Variants in ZNF41 observed in about 807,000 individuals in gnomAD.
The protein encoded by ZNF41 is zinc finger protein 41.
Under a neutral mutation model 9.3 loss-of-function variants are expected in ZNF41, and 6 were observed. The observed-to-expected ratio is 0.65, with a 90% CI of 0.35 to 1.28. The LOEUF (loss-of-function observed/expected upper bound fraction) is 1.28, where lower values mean the gene tolerates loss of function less well. ZNF41 is among the 50% of genes most tolerant of loss of function. The pLI is 0.03. For synonymous variants in ZNF41, 192 were observed against 207.1 expected, an observed-to-expected ratio of 0.93 and a Z score of 0.63; for missense variants, 523 against 585.8, an observed-to-expected ratio of 0.89 and a Z score of 1.11.
rs746741166 is a variant in ZNF41 at position 47,475,008 on chromosome X, G to A, written c.-279-7248C>T. ...ATCCTGGCTAACATGGTGAAATCCC[G>A]TCTCTACTAAAAATACAAAAATTTA... On this transcript the variant is annotated intron_variant, in intron 1 of 4. Transcript: ENST00000684689. 5.5e-3 allele frequency among the ~76,000 whole-genome samples: 588 copies of A among 105,947 alleles called. 9 individuals are homozygous for A. Among genetic ancestry groups the A allele is most frequent in the African/African-American group, 0.02 (570 of 29,089 alleles). 92.0% of individuals were successfully genotyped at this position (105,947 alleles called of 115,157 possible).
At chrX:47,470,676 G>A (rs1376038197) in intron 1 of ZNF41, among the ~76,000 whole-genome samples, 5 of 107,251 alleles carry the variant, frequency 4.7e-5, no homozygotes, top group African/African-American at 1.4e-4. Flanking sequence ...GCAGTGAGCC[G>A]AGATCGTGCC....
At chrX:47,468,805 A>C (rs946876379) in intron 1 of ZNF41, among the ~76,000 whole-genome samples, 1 of 111,399 alleles carries the variant, frequency 9.0e-6, no homozygotes, top group African/African-American at 3.3e-5. Context: ...TCATGGACTG[A>C]ATCGATGACC....
Position 47,446,172 on chromosome X carries a change from A to G in ZNF41, c.*1258T>C, listed in dbSNP as rs768291198. The G allele has an allele frequency of 2.7e-5, 3 of 111,998 alleles. No homozygotes were observed. In the East Asian group the frequency reaches 8.3e-4, roughly 31 times the overall value. The allele number at this position is 111,998 out of a possible 1,213,427, so 9.2% of individuals were successfully genotyped here. ...AAAAATACAATTGCATGCTAGAAAGAAAGTTCCTTTTTATGAGTATTGTAA... is the reference window on the plus strand; with the variant it reads ...AAAAATACAATTGCATGCTAGAAAGGAAGTTCCTTTTTATGAGTATTGTAA... On this transcript the variant is annotated 3_prime_UTR_variant, in exon 5 of 5. Coordinates refer to ENST00000684689, the MANE Select transcript of ZNF41 (RefSeq NM_001324144.2).
At chrX:47,474,992 AAC>A (rs1476943249) in intron 1 of ZNF41, among the ~76,000 whole-genome samples, 1 of 107,620 alleles carries the variant, frequency 9.3e-6, no homozygotes, top group Non-Finnish European at 1.9e-5. Flanking sequence ...CATCCTGGCT[AAC>A]ATGGTGAAAT....
At position 47,448,034 on chromosome X, in the gene ZNF41, T is replaced by C. The variant is rs748219805; in HGVS notation, c.1736A>G (p.Tyr579Cys). 8 of 1,211,925 alleles carry C rather than the reference T, an allele frequency of 6.6e-6. No individual in the cohort carries two copies. The South Asian group carries it at 8.8e-5, about 13-fold the overall frequency. The change falls in exon 5 of 5, where the codon TAT (tyrosine) becomes TGT (cysteine). Residue 579 changes from tyrosine (Y) to cysteine (C), a missense_variant. Transcript: ENST00000684689. ...HQKSHIGERHYECKDCGKAFI... is the reference protein window; with the variant it reads ...HQKSHIGERHCECKDCGKAFI... ...GGCTTTCCCGCAGTCCTTGCATTCA[T>C]AGTGTCTCTCTCCAATATGAGATTT...
At chrX:47,451,385 C>T (rs1454163790) in intron 4 of ZNF41, among the ~76,000 whole-genome samples, 1 of 112,368 alleles carries the variant, frequency 8.9e-6, no homozygotes, top group African/African-American at 3.2e-5. Context: ...TTCACCCTTC[C>T]TTGCCTGCTC....
rs749675014 is a variant in ZNF41 at position 47,464,352 on chromosome X, G to A, written c.72+3058C>T. On this transcript the variant is annotated intron_variant, in intron 2 of 4. Transcript: ENST00000684689. ...CACCATGGTACCTGTTCCTTATTCC[G>A]TTGTGACTCCTCCCAGCCCTCTTTA... Among the ~76,000 whole-genome samples the A allele has an allele frequency of 1.6e-4, 18 of 110,600 alleles. No individual in the cohort carries two copies. The South Asian group carries it at 2.7e-3, about 17-fold the overall frequency.
In ZNF41 at chrX:47,448,675, GA is replaced by G; in HGVS notation, c.1094del (p.Phe365SerfsTer10). The G allele has an allele frequency of 2.5e-6, 3 of 1,211,523 alleles. No homozygotes were observed. Among genetic ancestry groups the G allele is most frequent in the Non-Finnish European group, 2.2e-6 (2 of 895,474 alleles). On this transcript the variant is annotated frameshift_variant, in exon 5 of 5. Transcript: ENST00000684689. LOFTEE classifies it low-confidence loss of function (END_TRUNC). ...YKCSECGKAF[F>X]QRSDLFRHLR... ...GATGTCTAAAGAGGTCTGATCTCTGGAAAAAGGCTTTTCCACATTCACTGCA... is the reference window on the plus strand; with the variant it reads ...GATGTCTAAAGAGGTCTGATCTCTGGAAAAGGCTTTTCCACATTCACTGCA...
At chrX:47,468,381 G>A (rs1230640427) in intron 1 of ZNF41, among the ~76,000 whole-genome samples, 1 of 111,526 alleles carries the variant, frequency 9.0e-6, no homozygotes, top group Non-Finnish European at 1.9e-5. Flanking sequence ...GTAATTCAGT[G>A]TACATTCTAT....
intron 1 of ZNF41, among the ~76,000 whole-genome samples, chrX:47,478,476 C>T (rs1305667799): frequency 9.1e-6 from 1 of 110,438 alleles, no homozygotes; most frequent in Admixed American, 9.7e-5. Context: ...CACTGCACTC[C>T]AGCCTGGGTG....
chrX:47,480,290 T>C (rs751194913), intron 1 of ZNF41, among the ~76,000 whole-genome samples: 1 of 111,496 alleles, frequency 9.0e-6, no homozygotes, highest in African/African-American at 3.3e-5. Context: ...TGGGAACTTA[T>C]GTGACAAAAG....
intron 4 of ZNF41, among the ~76,000 whole-genome samples, chrX:47,451,712 C>T (rs903934097): frequency 9.8e-5 from 11 of 112,365 alleles, no homozygotes; most frequent in African/African-American, 2.9e-4. Context: ...CCTGTCTCTA[C>T]TAAAAATACA....
chrX:47,457,359 G>A (rs1041762493), intron 2 of ZNF41, among the ~76,000 whole-genome samples: 17 of 110,620 alleles, frequency 1.5e-4, no homozygotes, highest in Non-Finnish European at 2.5e-4. Flanking sequence ...GCAGTGAGCC[G>A]AGATTGTATC....
intron 1 of ZNF41, among the ~76,000 whole-genome samples, chrX:47,481,395 T>C (rs1239300309): frequency 1.8e-5 from 2 of 110,746 alleles, no homozygotes; most frequent in East Asian, 5.7e-4. Flanking sequence ...CATGATGGTT[T>C]CACTGCACTC....
chrX:47,446,541 T>C lies in ZNF41; in HGVS notation c.*889A>G, dbSNP rs1308972362. On this transcript the variant is annotated 3_prime_UTR_variant, in exon 5 of 5. Coordinates refer to ENST00000684689, the MANE Select transcript of ZNF41 (RefSeq NM_001324144.2). The stretch of plus-strand genomic sequence containing the variant: ...AGAGTGCCGTGGATCAGTTCCATTG[T>C]CGTAGGGTCAGTTACTGAGGGAATC... The C allele has an allele frequency of 9.1e-6, 1 of 109,896 alleles. No individual in the cohort carries two copies. Among genetic ancestry groups the C allele is most frequent in the East Asian group, 2.9e-4 (1 of 3,494 alleles). 9.1% of individuals were successfully genotyped at this position (109,896 alleles called of 1,213,427 possible). A position where few individuals can be genotyped will look rare whatever the true frequency, so the allele number is the denominator to read the frequency against.
At chrX:47,479,671 TA>T (rs1221198816) in intron 1 of ZNF41, among the ~76,000 whole-genome samples, 1 of 100,114 alleles carries the variant, frequency 1.0e-5, no homozygotes, top group South Asian at 4.3e-4. Flanking sequence ...ACAATGATGA[TA>T]AAAACAAAGG....
In ZNF41 at chrX:47,467,467, C is replaced by A; in HGVS notation, c.15G>T (p.Gly5=). 1 of 1,187,162 alleles carries A rather than the reference C, an allele frequency of 8.4e-7. No individual in the cohort carries two copies. The highest frequency in any genetic ancestry group is 1.1e-6 in the Non-Finnish European group (1 of 882,062). MAAN[G]DSPPWSPALA... is the part of the protein sequence containing the mutation. Reference sequence around the variant, plus strand: ...GGGCCGGGGACCATGGGGGAGAGTCCCCATTAGCTGCCATGTTCACGCTGG... The same window carrying A: ...GGGCCGGGGACCATGGGGGAGAGTCACCATTAGCTGCCATGTTCACGCTGG... Residue 5 remains glycine (G), a synonymous_variant, in exon 2 of 5, where the codon GGG becomes GGT. Coordinates refer to ENST00000684689, the MANE Select transcript of ZNF41 (RefSeq NM_001324144.2).
chrX:47,480,817 G>A (rs2057451861), intron 1 of ZNF41, among the ~76,000 whole-genome samples: 1 of 105,534 alleles, frequency 9.5e-6, no homozygotes, highest in Non-Finnish European at 1.9e-5. Context: ...CTTGTGTTTG[G>A]CCCTCAGAAT....
At chrX:47,457,280 C>G (rs1023014572) in intron 2 of ZNF41, among the ~76,000 whole-genome samples, 1 of 110,557 alleles carries the variant, frequency 9.0e-6, no homozygotes, top group South Asian at 3.8e-4. Flanking sequence ...CGTGGTGGCG[C>G]ACGCCCGTAA....
Sources: gnomAD v4.1 joint callset for allele counts (sites outside exome capture counted in the v4.1 genomes callset) on GRCh38, gnomAD v4.1.1 for gene constraint, MANE v1.5 for transcripts, NCBI Gene and HGNC (gene_info 2026-07-23, HGNC 2026-07-21) for gene names.